Variants in STK11IP observed in about 807,000 individuals in gnomAD.
STK11IP encodes serine/threonine kinase 11 interacting protein, also known as serine/threonine-protein kinase 11-interacting protein.
In STK11IP, 103 loss-of-function variants were observed where a neutral mutation model predicts 131.7. The ratio of observed to expected loss-of-function variants is 0.78; its 90% CI spans 0.67 to 0.92. The LOEUF (loss-of-function observed/expected upper bound fraction) is 0.92. Ranked by LOEUF, STK11IP falls within the 40% of genes least tolerant of loss-of-function variation. The pLI is 0.00. For synonymous variants in STK11IP, 557 were observed against 575.6 expected (o/e 0.97, Z 0.46); for missense variants, 1,315 against 1,385.7 (o/e 0.95, Z 0.81).
intron 2 of STK11IP, among the ~76,000 whole-genome samples, chr2:219,599,611 A>G (rs1365728979): frequency 6.6e-6 from 1 of 152,218 alleles, no homozygotes; most frequent in Non-Finnish European, 1.5e-5. Context: ...TGTGACTACA[A>G]GGAGGTAGCA....
chr2:219,612,218 G>C (rs1176900873), intron 19 of STK11IP, among the ~76,000 whole-genome samples, 160 bp downstream of exon 19: 1 of 152,182 alleles, frequency 6.6e-6, no homozygotes, highest in Non-Finnish European at 1.5e-5. Flanking sequence ...CACATTCCCT[G>C]GTATTTGAGT....
rs150279473 is a variant in STK11IP at position 219,609,160 on chromosome 2, C to G, written c.1873C>G (p.Arg625Gly). Reference protein sequence around the residue: ...SLRFSYICPDRQLRRYLVLEP... With the variant: ...SLRFSYICPDGQLRRYLVLEP... ...GCGCTTCTCCTACATCTGCCCTGAC[C>G]GGCAGTTGCGTCGCTATTTGGTGCT... Residue 625 changes from arginine (R) to glycine (G), a missense_variant, in exon 16 of 25, where the codon CGG (arginine) becomes GGG (glycine). Transcript: ENST00000456909. 5.0e-6 allele frequency: 8 copies of G among 1,610,410 alleles called. No homozygotes were observed. The highest frequency in any genetic ancestry group is 3.4e-5 in the Admixed American group (2 of 59,630).
intron 19 of STK11IP, among the ~76,000 whole-genome samples, chr2:219,612,424 A>C (rs1698428307): frequency 6.6e-6 from 1 of 152,252 alleles, no homozygotes; most frequent in Admixed American, 6.5e-5. Context: ...TCTACAGATC[A>C]ATCTTGCCCT....
At chr2:219,606,559 G>A (rs752666244) in intron 11 of STK11IP, 42 bp downstream of exon 11, 10 of 1,612,146 alleles carry the variant, frequency 6.2e-6, no homozygotes, top group Middle Eastern at 1.7e-4. Flanking sequence ...GGGAAGACAC[G>A]AAGGGAGGGC....
chr2:219,602,257 C>G (rs997845035), intron 5 of STK11IP, among the ~76,000 whole-genome samples, 174 bp downstream of exon 5: 2 of 152,194 alleles, frequency 1.3e-5, no homozygotes, highest in African/African-American at 4.8e-5. Context: ...TATTTATAGT[C>G]GTACCTACCA....
intron 19 of STK11IP, 68 bp from the exon 20 acceptor site, chr2:219,613,060 G>T (rs1207313577): frequency 7.5e-7 from 1 of 1,337,058 alleles, no homozygotes. Context: ...CCAGGAACTC[G>T]GCTTTCAGTC....
chr2:219,605,698 C>T lies in STK11IP; in HGVS notation c.709C>T (p.Leu237=). The change falls in exon 8 of 25, where the codon CTG becomes TTG. Residue 237 remains leucine (L), a synonymous_variant. Coordinates refer to ENST00000456909, the MANE Select transcript of STK11IP (RefSeq NM_052902.4). The part of the protein sequence containing the change: ...MGPSGAALGV[L]ILRGNELRSL... ...ACCCTCAGGGGCTGCTCTGGGGGTC[C>T]TGATACTGCGAGGCAATGAGCTTCG... The T allele has an allele frequency of 6.3e-7, 1 of 1,584,546 alleles. No individual in the cohort carries two copies.
rs1411999309 is a variant in STK11IP at position 219,608,082 on chromosome 2, A to G, written c.1255A>G (p.Met419Val). 9 of 1,612,464 alleles carry G rather than the reference A, an allele frequency of 5.6e-6. No homozygotes were observed. The Admixed American group carries it at 1.0e-4, about 18-fold the overall frequency. ...GCAGCAGCACCCGGAGCTGGAGCTC[A>G]TGAGCAGCTTCCGGGAACGGTTCGG... ...FVQQHPELELMSSFRERFGRN... is the reference protein window; with the variant it reads ...FVQQHPELELVSSFRERFGRN... The change falls in exon 14 of 25, where the codon ATG becomes GTG. Residue 419 changes from methionine (M) to valine (V), a missense_variant. By Grantham distance (21) the Met-to-Val change is conservative. Transcript: ENST00000456909.
At position 219,598,139 on chromosome 2, in the gene STK11IP, A is replaced by T. The variant is rs777611626; in HGVS notation, c.20A>T (p.Asp7Val). The T allele has an allele frequency of 3.2e-6, 5 of 1,585,550 alleles. No homozygotes were observed. Among genetic ancestry groups the T allele is most frequent in the African/African-American group, 2.7e-5 (2 of 73,360 alleles). ...GTGGCCATGACGACCGCTCAGAGGG[A>T]CTCCCTGTTGTGGAAGCTCGCGGGG... MTTAQR[D>V]SLLWKLAGLL... is the part of the protein sequence containing the mutation. The change falls in exon 2 of 25, where the codon GAC becomes GTC. Residue 7 changes from aspartate to valine, a missense_variant. Physicochemically the swap from Asp to Val is radical, Grantham distance 152 (BLOSUM62 -3). Transcript: ENST00000456909.
chr2:219,598,510 G>GT, intron 2 of STK11IP: 1 of 250,470 alleles, frequency 4.0e-6, no homozygotes, highest in Non-Finnish European at 7.6e-6. Context: ...GTGTAGCAAG[G>GT]TACTAAATAC....
chr2:219,599,098 C>CT (rs994198184), intron 2 of STK11IP, among the ~76,000 whole-genome samples: 6 of 151,918 alleles, frequency 3.9e-5, no homozygotes, highest in East Asian at 1.9e-4. Flanking sequence ...TCTTTCTTTT[C>CT]TTTTTTTTGA....
chr2:219,612,084 GC>G, intron 19 of STK11IP, 26 bp downstream of exon 19: 1 of 1,570,388 alleles, frequency 6.4e-7, no homozygotes. Context: ...CACTGCCCAT[GC>G]CCCCAGCTGT....
intron 7 of STK11IP, among the ~76,000 whole-genome samples, chr2:219,605,072 C>T (rs1187647765): frequency 6.6e-6 from 1 of 152,190 alleles, no homozygotes; most frequent in Non-Finnish European, 1.5e-5. Context: ...TCAAGTGATC[C>T]CCCCTCTTTG....
At chr2:219,612,753 A>T (rs921031578) in intron 19 of STK11IP, among the ~76,000 whole-genome samples, 1 of 152,204 alleles carries the variant, frequency 6.6e-6, no homozygotes, top group Non-Finnish European at 1.5e-5. Context: ...GGCAGGGGCC[A>T]GGTCAGGAGC....
Position 219,606,831 on chromosome 2 carries a change from G to T in STK11IP, c.1107G>T (p.Val369=). 6.2e-7 allele frequency: 1 copy of T among 1,612,934 alleles called. No individual in the cohort carries two copies. The change falls in exon 12 of 25, where the codon GTG becomes GTT. Residue 369 remains valine, a synonymous_variant. Coordinates refer to ENST00000456909, the MANE Select transcript of STK11IP (RefSeq NM_052902.4). ...LSDSLSSGGV[V]TQPLLHKVKS... ...ACAGCCTCTCCTCAGGGGGTGTTGT[G>T]ACCCAGCCCCTGCTTCATAAGGTTA...
In STK11IP at chr2:219,602,042, C is replaced by G. The variant is rs763523414; in HGVS notation, c.397C>G (p.Leu133Val). Reference sequence around the variant, plus strand: ...TGGCCTCCGAGGCATCTACTCCCAGCTGGAGACCCTGATTTGCAGCAGGAG... The same window carrying G: ...TGGCCTCCGAGGCATCTACTCCCAGGTGGAGACCCTGATTTGCAGCAGGAG... ...LHGLRGIYSQ[L>V]ETLICSRSLQ... is the part of the protein sequence containing the mutation. The change falls in exon 5 of 25, where the codon CTG (leucine) becomes GTG (valine). Residue 133 changes from leucine to valine, a missense_variant. By Grantham distance (32) the Leu-to-Val change is conservative (BLOSUM62 1). Coordinates refer to ENST00000456909, the MANE Select transcript of STK11IP (RefSeq NM_052902.4). The G allele has an allele frequency of 6.8e-6, 11 of 1,611,074 alleles. No homozygotes were observed. The highest frequency in any genetic ancestry group is 9.3e-6 in the Non-Finnish European group (11 of 1,178,790).
Position 219,601,690 on chromosome 2 carries a change from C to T in STK11IP, c.317C>T (p.Pro106Leu). The change falls in exon 4 of 25, where the codon CCC (proline) becomes CTC (leucine). Residue 106 changes from proline (P) to leucine (L), a missense_variant. Pro to Leu is a moderately conservative substitution (Grantham distance 98). Coordinates refer to ENST00000456909, the MANE Select transcript of STK11IP (RefSeq NM_052902.4). ...CCCACAGGGCCCATCAAGATTTTCC[C>T]CTTCAAATCCCTTCGGCACCTGGAG... ...PGPTGPIKIF[P>L]FKSLRHLELR... 1 of 1,606,378 alleles carries T rather than the reference C, an allele frequency of 6.2e-7. No homozygotes were observed. The highest frequency in any genetic ancestry group is 1.1e-5 in the South Asian group (1 of 89,578).
chr2:219,602,510 C>T lies in STK11IP; in HGVS notation c.481C>T (p.Pro161Ser). ...CGGCGGCGACTTCTGCTCTGCCCTC[C>T]CTTGGCTGGCTCTGCTTTCTGCCAA... Reference protein sequence around the residue: ...ACGGDFCSALPWLALLSANFS... With the variant: ...ACGGDFCSALSWLALLSANFS... Residue 161 changes from proline (P) to serine (S), a missense_variant, in exon 6 of 25, where the codon CCT becomes TCT. Pro to Ser is a moderately conservative substitution (Grantham distance 74, BLOSUM62 -1). Transcript: ENST00000456909. The T allele has an allele frequency of 6.2e-7, 1 of 1,614,010 alleles. No individual in the cohort carries two copies. The highest frequency in any genetic ancestry group is 8.5e-7 in the Non-Finnish European group (1 of 1,179,894).
At chr2:219,614,961 A>G (rs1047998009) in intron 23 of STK11IP, 133 bp from the exon 24 acceptor site, 2 of 1,115,292 alleles carry the variant, frequency 1.8e-6, no homozygotes, top group Non-Finnish European at 2.5e-6. Context: ...TCTTGGCCCC[A>G]GGGGCACAGG....
Sources: allele counts gnomAD v4.1 joint callset (sites outside exome capture counted in the v4.1 genomes callset), GRCh38; gene constraint gnomAD v4.1.1; transcripts MANE v1.5; gene names NCBI Gene and HGNC (gene_info 2026-07-23, HGNC 2026-07-21).